Variants in OR51B5 observed in about 807,000 individuals in gnomAD.
The protein encoded by OR51B5 is olfactory receptor family 51 subfamily B member 5.
For synonymous variants in OR51B5, 186 were observed against 144.8 expected (o/e 1.28, Z -2.04); for missense variants, 456 against 374.6 (o/e 1.22, Z -1.79).
chr11:5,414,602 T>C (rs944019965), intron 1 of OR51B5, among the ~76,000 whole-genome samples: 3 of 130,970 alleles, frequency 2.3e-5, no homozygotes, highest in African/African-American at 8.0e-5. Context: ...ACCAAGCAAA[T>C]GGAAAACAAA....
intron 1 of OR51B5, among the ~76,000 whole-genome samples, chr11:5,356,958 A>C (rs1247160745): frequency 2.6e-5 from 4 of 151,990 alleles, no homozygotes; most frequent in Non-Finnish European, 4.4e-5. Flanking sequence ...GCCTGACCTA[A>C]AAGAGCTCCT....
chr11:5,374,174 G>A (rs1005139121), intron 1 of OR51B5, among the ~76,000 whole-genome samples: 13 of 152,260 alleles, frequency 8.5e-5, no homozygotes, highest in South Asian at 2.1e-4. Context: ...CGCGGATCAC[G>A]AAAATCTGCG....
chr11:5,360,146 G>A (rs1589953101), intron 1 of OR51B5, among the ~76,000 whole-genome samples: 1 of 151,016 alleles, frequency 6.6e-6, no homozygotes, highest in African/African-American at 2.4e-5. Context: ...GGACAAATGG[G>A]ATCTAATTAA....
chr11:5,355,690 A>C (rs1041683004), intron 1 of OR51B5: 1 of 152,180 alleles, frequency 6.6e-6, no homozygotes, highest in African/African-American at 2.4e-5. Context: ...AATCATCTGT[A>C]AAAGTTATGT....
intron 1 of OR51B5, among the ~76,000 whole-genome samples, chr11:5,368,083 C>A (rs774275128): frequency 1.1e-4 from 17 of 152,218 alleles, no homozygotes; most frequent in Non-Finnish European, 1.2e-4. Flanking sequence ...CCCAGGCTCA[C>A]TCAGAACTCT....
intron 1 of OR51B5, among the ~76,000 whole-genome samples, chr11:5,358,110 A>C (rs1849222483): frequency 6.6e-6 from 1 of 151,720 alleles, no homozygotes; most frequent in Non-Finnish European, 1.5e-5. Context: ...ACACATTCAA[A>C]TGCTAGCAGA....
rs755298890 is a variant in OR51B5 at position 5,489,649 on chromosome 11, A to G, written n.84+15920T>C. 6 of 1,611,440 alleles carry G rather than the reference A, an allele frequency of 3.7e-6. No individual in the cohort carries two copies. The East Asian group carries it at 1.3e-4, about 36-fold the overall frequency. On this transcript the variant is annotated intron_variant and non_coding_transcript_variant, in intron 1 of 4. Coordinates refer to the OR51B5 transcript ENST00000415970. Reference sequence around the variant, plus strand: ...ACTTCTAAAACTGCTTCACCTGGGGAAGACTTCAATATGAATGCTGAGCAG... The same window carrying G: ...ACTTCTAAAACTGCTTCACCTGGGGGAGACTTCAATATGAATGCTGAGCAG...
chr11:5,459,071 A>G (rs1197941760), intron 1 of OR51B5, among the ~76,000 whole-genome samples: 2 of 152,138 alleles, frequency 1.3e-5, no homozygotes, highest in Non-Finnish European at 2.9e-5. Flanking sequence ...CCCATTTAGT[A>G]TGATGTTGGC....
intron 1 of OR51B5, among the ~76,000 whole-genome samples, chr11:5,395,731 A>G (rs995057446): frequency 6.6e-6 from 1 of 152,200 alleles, no homozygotes; most frequent in African/African-American, 2.4e-5. Context: ...AAAAAAGCTA[A>G]GGTTTAGAAA....
intron 1 of OR51B5, among the ~76,000 whole-genome samples, chr11:5,472,106 G>A (rs973333690): frequency 1.3e-5 from 2 of 152,050 alleles, no homozygotes; most frequent in African/African-American, 4.8e-5. Flanking sequence ...ACCAAACAAA[G>A]GCTTCAGAAG....
At position 5,406,364 on chromosome 11, in the gene OR51B5, C is replaced by G. The variant is rs1222313411; in HGVS notation, n.85-59454G>C. On this transcript the variant is annotated intron_variant and non_coding_transcript_variant, in intron 1 of 4. Transcript: ENST00000415970. ...TTTTTTCCAATCTTTATCCTGAAGTCCAGTCTCAGAGACAACATCAGGTTC... is the reference window on the plus strand; with the variant it reads ...TTTTTTCCAATCTTTATCCTGAAGTGCAGTCTCAGAGACAACATCAGGTTC... Among the ~76,000 whole-genome samples the G allele has an allele frequency of 2.0e-5, 3 of 152,030 alleles. No individual in the cohort carries two copies. In the East Asian group the frequency reaches 5.8e-4, roughly 29 times the overall value.
intron 1 of OR51B5, chr11:5,352,277 C>T: frequency 1.9e-6 from 3 of 1,614,206 alleles, no homozygotes; most frequent in Non-Finnish European, 2.5e-6. Context: ...GTTTGTCTGA[C>T]ATTTATTCAT....
rs1481902041 is a variant in OR51B5 at position 5,363,235 on chromosome 11, CCTCACA to C, written n.85-16331_85-16326del. On this transcript the variant is annotated intron_variant and non_coding_transcript_variant, in intron 1 of 4. Transcript: ENST00000415970. ...GTGTTTCCCCACAACGAACCCAACCCCTCACACACACACACACACACACACACACAC... is the reference window on the plus strand; with the variant it reads ...GTGTTTCCCCACAACGAACCCAACCCCACACACACACACACACACACACAC... Among the ~76,000 whole-genome samples, 11 of 85,368 alleles carry C rather than the reference CCTCACA, an allele frequency of 1.3e-4. No individual in the cohort carries two copies. In the East Asian group the frequency reaches 2.8e-3, roughly 22 times the overall value. The allele number at this position is 85,368 out of a possible 152,430, so 56.0% of individuals were successfully genotyped here.
intron 1 of OR51B5, among the ~76,000 whole-genome samples, chr11:5,496,427 G>A (rs573102319): frequency 0.031 from 127 of 4,162 alleles, no homozygotes; most frequent in African/African-American, 0.084. Flanking sequence ...ACCGCTCATG[G>A]TTTAATTGCC....
chr11:5,341,844 AG>A (rs1197397555), downstream of OR51B5, among the ~76,000 whole-genome samples: 2 of 152,212 alleles, frequency 1.3e-5, no homozygotes, highest in Non-Finnish European at 2.9e-5. Context: ...CTAGGGTAGT[AG>A]AATAAGAATG....
At chr11:5,372,494 T>G (rs1190944625) in intron 1 of OR51B5, among the ~76,000 whole-genome samples, 1 of 152,220 alleles carries the variant, frequency 6.6e-6, no homozygotes, top group East Asian at 1.9e-4. Flanking sequence ...GGTTTTGATT[T>G]GCATTTTCCT....
intron 1 of OR51B5, among the ~76,000 whole-genome samples, chr11:5,361,863 C>T (rs918162376): frequency 3.3e-5 from 5 of 152,114 alleles, no homozygotes; most frequent in Non-Finnish European, 7.4e-5. Context: ...TCTCTTCGGG[C>T]TGCATAAACC....
intron 1 of OR51B5, among the ~76,000 whole-genome samples, chr11:5,503,921 T>C (rs901118641): frequency 2.6e-5 from 4 of 152,168 alleles, no homozygotes; most frequent in African/African-American, 9.7e-5. Context: ...CTGGCTGTAA[T>C]ATGAAGTGCT....
At chr11:5,343,421 G>T (rs1172910710) in exon 1 of OR51B5, 3 of 1,612,960 alleles carry the variant, frequency 1.9e-6, no homozygotes, top group Admixed American at 1.7e-5. Context: ...AAAAAGGATG[G>T]ATATATACAT....
Sources: gnomAD v4.1 joint callset for allele counts (sites outside exome capture counted in the v4.1 genomes callset) on GRCh38, gnomAD v4.1.1 for gene constraint, MANE v1.5 for transcripts, NCBI Gene and HGNC (gene_info 2026-07-23, HGNC 2026-07-21) for gene names.